CCDC149: variants seen among roughly 807,000 people sequenced by gnomAD.
The protein encoded by CCDC149 is coiled-coil domain containing 149.
In CCDC149, 45 loss-of-function variants were observed where a neutral mutation model predicts 59.9. The ratio of observed to expected loss-of-function variants is 0.75; its 90% confidence interval spans 0.59 to 0.96. CCDC149 has a LOEUF of 0.96. Ranked by LOEUF, CCDC149 falls within the 40% of genes least tolerant of loss-of-function variation. The pLI, the probability that CCDC149 is intolerant of heterozygous loss-of-function variation, is 0.00. For synonymous variants in CCDC149, 245 were observed against 260.6 expected (o/e 0.94, Z 0.58); for missense variants, 584 against 664.7 (o/e 0.88, Z 1.33).
chr4:24,882,326 A>C (rs1171369753), intron 1 of CCDC149, among the ~76,000 whole-genome samples: 1 of 152,204 alleles, frequency 6.6e-6, no homozygotes, highest in Non-Finnish European at 1.5e-5. Flanking sequence ...CTCAGAAAGG[A>C]ACTAGAAGGT....
intron 12 of CCDC149, among the ~76,000 whole-genome samples, chr4:24,811,034 C>T (rs1714568579): frequency 6.6e-6 from 1 of 152,168 alleles, no homozygotes; most frequent in Non-Finnish European, 1.5e-5. Flanking sequence ...TACAGATTTA[C>T]TTGCCAAGTT....
intron 11 of CCDC149, 161 bp from the exon 12 acceptor site, chr4:24,820,136 A>C: frequency 3.4e-6 from 2 of 594,000 alleles, no homozygotes; most frequent in East Asian, 2.8e-5. Context: ...TCCTTACACT[A>C]TTGCACCACC....
chr4:24,851,721 T>G (rs909777010), intron 4 of CCDC149, among the ~76,000 whole-genome samples: 2 of 152,190 alleles, frequency 1.3e-5, no homozygotes, highest in Non-Finnish European at 2.9e-5. Context: ...ATTGCATACA[T>G]TTTGTTTTAT....
chr4:24,847,790 C>A (rs1323371480), intron 4 of CCDC149, among the ~76,000 whole-genome samples: 1 of 152,242 alleles, frequency 6.6e-6, no homozygotes, highest in African/African-American at 2.4e-5. Flanking sequence ...CACTACACTG[C>A]TCCACTTCAC....
chr4:24,864,111 G>A (rs1035363502), intron 3 of CCDC149, among the ~76,000 whole-genome samples: 11 of 152,268 alleles, frequency 7.2e-5, no homozygotes, highest in African/African-American at 2.2e-4. Flanking sequence ...TCTAACACCC[G>A]GCGTGGGCCG....
chr4:24,956,733 A>C (rs900893589), intron 1 of CCDC149, among the ~76,000 whole-genome samples: 1 of 152,240 alleles, frequency 6.6e-6, no homozygotes, highest in African/African-American at 2.4e-5. Flanking sequence ...ATCCAAAGTA[A>C]ATAAATAAAC....
At chr4:24,816,887 C>T (rs800453) in intron 12 of CCDC149, among the ~76,000 whole-genome samples, 83,656 of 151,908 alleles carry the variant, frequency 0.55, 23,587 homozygotes, top group Non-Finnish European at 0.62. Context: ...CCCGAAAAGG[C>T]GATTCATCTT....
At chr4:24,906,030 A>G (rs1431404383) in intron 1 of CCDC149, among the ~76,000 whole-genome samples, 1 of 152,218 alleles carries the variant, frequency 6.6e-6, no homozygotes, top group African/African-American at 2.4e-5. Context: ...GAGCAACAAG[A>G]TAAAAGAAAT....
At chr4:24,834,188 T>TA (rs1261678497) in intron 8 of CCDC149, among the ~76,000 whole-genome samples, 2 of 152,146 alleles carry the variant, frequency 1.3e-5, no homozygotes, top group African/African-American at 4.8e-5. Context: ...ACTTTTTTTT[T>TA]AAGCCACTGT....
In CCDC149 at chr4:24,891,037, GT is replaced by G. The variant is rs574252795; in HGVS notation, c.64-14341del. Among the ~76,000 whole-genome samples the G allele has an allele frequency of 5.4e-4, 82 of 152,324 alleles. 1 individual carries two copies. The South Asian group carries it at 0.015, about 29-fold the overall frequency. On this transcript the variant is annotated intron_variant, in intron 1 of 12. Coordinates refer to ENST00000635206, the MANE Select transcript of CCDC149 (RefSeq NM_001330643.2). Reference sequence around the variant, plus strand: ...CAGCCGAGCCCTGTGGCTGGGAGCTGTTTTCTCCCTCTCACTGCGCCTTGCT... The same window carrying G: ...CAGCCGAGCCCTGTGGCTGGGAGCTGTTTCTCCCTCTCACTGCGCCTTGCT...
intron 1 of CCDC149, among the ~76,000 whole-genome samples, chr4:24,878,931 T>C (rs1719655566): frequency 6.6e-6 from 1 of 152,148 alleles, no homozygotes; most frequent in East Asian, 1.9e-4. Flanking sequence ...CCATGAAAGC[T>C]GTGAAGGGCA....
intron 1 of CCDC149, among the ~76,000 whole-genome samples, chr4:24,967,203 A>G (rs1250874565): frequency 6.6e-6 from 1 of 152,156 alleles, no homozygotes; most frequent in Admixed American, 6.5e-5. Flanking sequence ...TGTGACGGAC[A>G]TATGCATCAC....
chr4:24,863,304 C>T (rs1237707639), intron 3 of CCDC149, among the ~76,000 whole-genome samples: 1 of 152,038 alleles, frequency 6.6e-6, no homozygotes, highest in East Asian at 1.9e-4. Flanking sequence ...AAACACAAAA[C>T]AAAACAAAAA....
At position 24,820,947 on chromosome 4, in the gene CCDC149, G is replaced by T. The variant is rs964819591; in HGVS notation, c.1075+108C>A. On this transcript the variant is annotated intron_variant, in intron 11 of 12. Coordinates refer to ENST00000635206, the MANE Select transcript of CCDC149 (RefSeq NM_001330643.2). ...ATTTCAATTGACTATTCTAATCAGA[G>T]AAGTTCAAGGAAAGGTAGATAATGC... The T allele has an allele frequency of 5.7e-5, 30 of 524,982 alleles. No individual in the cohort carries two copies. In the East Asian group the frequency reaches 9.5e-4, roughly 17 times the overall value. 32.5% of individuals were successfully genotyped at this position (524,982 alleles called of 1,614,324 possible).
At chr4:24,813,129 T>C (rs1274834444) in intron 12 of CCDC149, among the ~76,000 whole-genome samples, 2 of 152,068 alleles carry the variant, frequency 1.3e-5, no homozygotes, top group Non-Finnish European at 2.9e-5. Flanking sequence ...ATGGGATTTG[T>C]ACCCTTATAT....
intron 2 of CCDC149, among the ~76,000 whole-genome samples, chr4:24,874,240 A>ATTTT (rs1560230340): frequency 1.2e-5 from 1 of 85,688 alleles, no homozygotes; most frequent in African/African-American, 5.8e-5. Context: ...GTCCTATTAG[A>ATTTT]TTTGTTTTTT....
chr4:24,819,907 G>C lies in CCDC149; in HGVS notation c.1144C>G (p.Leu382Val). The change falls in exon 12 of 13, where the codon CTG becomes GTG. Residue 382 changes from leucine to valine, a missense_variant. By Grantham distance (32) the Leu-to-Val change is conservative. Transcript: ENST00000635206. Reference sequence around the variant, plus strand: ...TCAGTGGGCTGCTCGACAAACTTCAGCAGTGGGGATCTCGACCTCTGTCCA... The same window carrying C: ...TCAGTGGGCTGCTCGACAAACTTCACCAGTGGGGATCTCGACCTCTGTCCA... The C allele has an allele frequency of 6.4e-7, 1 of 1,551,702 alleles. No individual in the cohort carries two copies.
Position 24,931,310 on chromosome 4 carries a change from A to AATATATATATAT in CCDC149, c.-64-36204_-64-36193dup, listed in dbSNP as rs71187200. ...ATTTATATATGTTTATTTATTTTAA[A>AATATATATATAT]ATATATATATATATATATATATCTC... On this transcript the variant is annotated intron_variant, in intron 1 of 12. Transcript: ENST00000389609. Among the ~76,000 whole-genome samples the AATATATATATAT allele has an allele frequency of 1.6e-3, 219 of 138,240 alleles. 1 individual carries two copies. The highest frequency in any genetic ancestry group is 5.2e-3 in the South Asian group (23 of 4,440). 90.7% of individuals were successfully genotyped at this position (138,240 alleles called of 152,430 possible).
chr4:24,963,175 G>A (rs1422016105), intron 1 of CCDC149, among the ~76,000 whole-genome samples: 1 of 152,010 alleles, frequency 6.6e-6, no homozygotes, highest in Non-Finnish European at 1.5e-5. Flanking sequence ...TTCTTCTGCT[G>A]GGTGGTGTTA....
Sources: gnomAD v4.1 joint callset for allele counts (sites outside exome capture counted in the v4.1 genomes callset) on GRCh38, gnomAD v4.1.1 for gene constraint, MANE v1.5 for transcripts, NCBI Gene and HGNC (gene_info 2026-07-23, HGNC 2026-07-21) for gene names.